Variants in CDH13 observed in about 807,000 individuals in gnomAD.
CDH13 encodes cadherin 13.
In CDH13, 24 loss-of-function variants were observed where a neutral mutation model predicts 63.8. The ratio of observed to expected loss-of-function variants is 0.38; its 90% CI spans 0.27 to 0.53. CDH13 has a LOEUF of 0.53. Among genes scored for constraint, CDH13 ranks in the 20% least tolerant of loss-of-function variants. CDH13 has a pLI of 0.85. For synonymous variants in CDH13, 503 were observed against 355.3 expected (o/e 1.42, Z -4.67); for missense variants, 1,049 against 903.1 (o/e 1.16, Z -2.07).
At chr16:83,369,834 T>C (rs191479769) in intron 6 of CDH13, among the ~76,000 whole-genome samples, 1 of 152,158 alleles carries the variant, frequency 6.6e-6, no homozygotes, top group African/African-American at 2.4e-5. Context: ...ATTCCCAAAC[T>C]GTGAGCCTCG....
chr16:83,444,591 A>T (rs557838471), intron 6 of CDH13, among the ~76,000 whole-genome samples: 1 of 152,284 alleles, frequency 6.6e-6, no homozygotes, highest in Admixed American at 6.5e-5. Flanking sequence ...CTCTCTTGTG[A>T]AGAGCCAGTC....
intron 5 of CDH13, among the ~76,000 whole-genome samples, chr16:83,236,573 G>A (rs1423057012): frequency 6.6e-6 from 1 of 152,104 alleles, no homozygotes; most frequent in African/African-American, 2.4e-5. Context: ...CTAAAATGCT[G>A]CAAGGCTATT....
intron 6 of CDH13, among the ~76,000 whole-genome samples, chr16:83,426,139 C>T (rs2071887965): frequency 6.6e-6 from 1 of 152,136 alleles, no homozygotes; most frequent in Non-Finnish European, 1.5e-5. Context: ...CACCCTCTTT[C>T]ATCCATTCCT....
At chr16:83,053,794 C>T (rs781282171) in intron 3 of CDH13, among the ~76,000 whole-genome samples, 31 of 152,040 alleles carry the variant, frequency 2.0e-4, no homozygotes, top group Non-Finnish European at 4.0e-4. Flanking sequence ...AATTAGGATG[C>T]ATCCAGTAAC....
intron 7 of CDH13, among the ~76,000 whole-genome samples, chr16:83,570,055 TG>T (rs1369338729): frequency 6.6e-6 from 1 of 152,154 alleles, no homozygotes; most frequent in African/African-American, 2.4e-5. Context: ...GGTTTTAAAC[TG>T]ATCATCATCC....
chr16:83,373,732 C>A (rs147462858), intron 6 of CDH13, among the ~76,000 whole-genome samples: 5 of 152,338 alleles, frequency 3.3e-5, no homozygotes, highest in Admixed American at 6.5e-5. Context: ...CTCCGCTTTA[C>A]CTTTCACTAG....
At chr16:83,619,314 C>T (rs1473411187) in intron 8 of CDH13, among the ~76,000 whole-genome samples, 1 of 152,190 alleles carries the variant, frequency 6.6e-6, no homozygotes, top group Non-Finnish European at 1.5e-5. Context: ...AATGACCCCT[C>T]ATGATGAGAT....
At position 83,419,554 on chromosome 16, in the gene CDH13, T is replaced by C. The variant is rs532232179; in HGVS notation, c.782-66923T>C. 3.9e-5 allele frequency among the ~76,000 whole-genome samples: 6 copies of C among 152,348 alleles called. No homozygotes were observed. In the South Asian group the frequency reaches 1.2e-3, roughly 32 times the overall value. On this transcript the variant is annotated intron_variant, in intron 6 of 13. Coordinates refer to ENST00000567109, the MANE Select transcript of CDH13 (RefSeq NM_001257.5). Reference sequence around the variant, plus strand: ...ACATTACAGAACAATTGCCATGCTCTACCAGTAGTAATACCTGACATTTAT... The same window carrying C: ...ACATTACAGAACAATTGCCATGCTCCACCAGTAGTAATACCTGACATTTAT...
At position 82,855,795 on chromosome 16, in the gene CDH13, G is replaced by A. The variant is rs529618869; in HGVS notation, c.46-2567G>A. 6.6e-5 allele frequency among the ~76,000 whole-genome samples: 10 copies of A among 152,290 alleles called. No individual in the cohort carries two copies. In the South Asian group the frequency reaches 1.9e-3, roughly 28 times the overall value. ...ATTTCAATTTCTCTGATGTTGTTCA[G>A]GCCAGCCACACGGTGAACCTCCTGA... On this transcript the variant is annotated intron_variant, in intron 1 of 13. Coordinates refer to ENST00000567109, the MANE Select transcript of CDH13 (RefSeq NM_001257.5).
chr16:83,257,982 C>G (rs1906498200), intron 5 of CDH13, among the ~76,000 whole-genome samples: 1 of 152,294 alleles, frequency 6.6e-6, no homozygotes, highest in East Asian at 1.9e-4. Context: ...GAGATGGTAT[C>G]TCAATGTGGT....
intron 2 of CDH13, among the ~76,000 whole-genome samples, chr16:82,971,454 C>A (rs1039781636): frequency 6.6e-6 from 1 of 152,184 alleles, no homozygotes; most frequent in Non-Finnish European, 1.5e-5. Context: ...AGATGTGTAT[C>A]ATCACCTGTA....
chr16:83,492,922 G>A lies in CDH13; in HGVS notation c.960+6267G>A, dbSNP rs118172307. On this transcript the variant is annotated intron_variant, in intron 7 of 13. Transcript: ENST00000567109. ...CTATCAATCCATTAAAGCTAAGACC[G>A]TGGCTAGTCTCTTAGTATGACCGCA... is the stretch of plus-strand genomic sequence containing the variant. Among the ~76,000 whole-genome samples the A allele has an allele frequency of 6.2e-3, 945 of 152,308 alleles. 9 individuals are homozygous for A. Among genetic ancestry groups the A allele is most frequent in the African/African-American group, 0.021 (891 of 41,568 alleles).
intron 7 of CDH13, among the ~76,000 whole-genome samples, chr16:83,558,163 G>A (rs1426433328): frequency 2.0e-5 from 3 of 152,122 alleles, no homozygotes; most frequent in African/African-American, 7.2e-5. Context: ...TGTTGTAGAG[G>A]GGCTAGAGTT....
intron 2 of CDH13, among the ~76,000 whole-genome samples, chr16:82,950,711 C>T (rs188866793): frequency 6.6e-6 from 1 of 151,956 alleles, no homozygotes; most frequent in Non-Finnish European, 1.5e-5. Context: ...ACCAGTGATA[C>T]TGGATTAAGG....
intron 6 of CDH13, among the ~76,000 whole-genome samples, chr16:83,450,290 G>A (rs1001496132): frequency 1.3e-5 from 2 of 152,202 alleles, no homozygotes; most frequent in Non-Finnish European, 2.9e-5. Context: ...CGGAAATGTT[G>A]AGTGTGGAGT....
intron 6 of CDH13, among the ~76,000 whole-genome samples, chr16:83,435,423 C>T (rs536690054): frequency 2.2e-4 from 33 of 152,224 alleles, no homozygotes; most frequent in African/African-American, 7.2e-4. Context: ...CCCTTCAAAG[C>T]CTTCTGTGGC....
intron 1 of CDH13, among the ~76,000 whole-genome samples, chr16:82,803,666 T>C (rs1361430226): frequency 6.6e-6 from 1 of 152,124 alleles, no homozygotes; most frequent in Non-Finnish European, 1.5e-5. Flanking sequence ...AGTCCTACCA[T>C]TTGTGACAAT....
chr16:82,920,092 C>G (rs926702911), intron 2 of CDH13, among the ~76,000 whole-genome samples: 1 of 152,196 alleles, frequency 6.6e-6, no homozygotes, highest in Non-Finnish European at 1.5e-5. Context: ...AGCAAAAGAA[C>G]ACTGCATGCC....
chr16:83,004,603 T>G (rs909390185), intron 2 of CDH13, among the ~76,000 whole-genome samples: 2 of 152,028 alleles, frequency 1.3e-5, no homozygotes, highest in Non-Finnish European at 2.9e-5. Flanking sequence ...GTTCAAGCGA[T>G]TCTCGTGCCT....
Sources: gnomAD v4.1 joint callset for allele counts (sites outside exome capture counted in the v4.1 genomes callset) on GRCh38, gnomAD v4.1.1 for gene constraint, MANE v1.5 for transcripts, NCBI Gene and HGNC (gene_info 2026-07-23, HGNC 2026-07-21) for gene names.